Variants in COMMD1 observed in about 807,000 individuals in gnomAD.
COMMD1 encodes the protein copper metabolism domain containing 1, also known as COMM domain-containing protein 1.
In COMMD1, 10 loss-of-function variants were observed where a neutral mutation model predicts 17.2. The ratio of observed to expected loss-of-function variants is 0.58; its 90% CI spans 0.36 to 0.99. The LOEUF is 0.99. Ranked by LOEUF, COMMD1 falls within the 50% of genes least tolerant of loss-of-function variation. The pLI, the probability that COMMD1 is intolerant of heterozygous loss-of-function variation, is 0.01. For missense variants in COMMD1, 270 were observed against 231.8 expected (o/e 1.17, Z -1.07); for synonymous variants, 97 against 91.6 (o/e 1.06, Z -0.34).
intron 2 of COMMD1, among the ~76,000 whole-genome samples, chr2:62,033,349 C>T (rs1669960394): frequency 6.6e-6 from 1 of 152,292 alleles, no homozygotes; most frequent in Non-Finnish European, 1.5e-5. Flanking sequence ...CTTTTACTTA[C>T]CTTTCTCCTC....
At chr2:62,081,313 G>A (rs899127507) in intron 2 of COMMD1, among the ~76,000 whole-genome samples, 5 of 150,578 alleles carry the variant, frequency 3.3e-5, no homozygotes, top group African/African-American at 1.2e-4. Context: ...GTGCAATGGC[G>A]TGATCTCGGC....
chr2:61,890,315 G>A lies in COMMD1; in HGVS notation n.119+1473G>A, dbSNP rs535840935. ...GCTCACCGCAACCTCCGCCTCCCGGGTTCAAGCGATTCTCCTGCCTCAGCC... is the reference window on the plus strand; with the variant it reads ...GCTCACCGCAACCTCCGCCTCCCGGATTCAAGCGATTCTCCTGCCTCAGCC... On this transcript the variant is annotated intron_variant and non_coding_transcript_variant, in intron 1 of 2. Transcript: ENST00000472729. Among the ~76,000 whole-genome samples the A allele has an allele frequency of 5.9e-5, 9 of 152,264 alleles. No homozygotes were observed. In the South Asian group the frequency reaches 1.7e-3, roughly 28 times the overall value.
intron 2 of COMMD1, among the ~76,000 whole-genome samples, chr2:62,119,515 A>AT (rs1672690655): frequency 6.6e-6 from 1 of 152,116 alleles, no homozygotes; most frequent in Non-Finnish European, 1.5e-5. Context: ...CCAAATCAGC[A>AT]TTTTCTGAAA....
At chr2:61,898,944 G>A (rs139365079) in intron 1 of COMMD1, among the ~76,000 whole-genome samples, 2,496 of 152,158 alleles carry the variant, frequency 0.016, 66 homozygotes, top group African/African-American at 0.058. Context: ...TTGCTTGAAA[G>A]CCATTCTAAA....
At chr2:62,045,373 C>T (rs10188628) in intron 2 of COMMD1, among the ~76,000 whole-genome samples, 84,553 of 151,988 alleles carry the variant, frequency 0.56, 25,863 homozygotes, top group African/African-American at 0.83. Flanking sequence ...TTGTGACCTC[C>T]AGCCACATGG....
chr2:61,892,802 C>T (rs1572936551), intron 1 of COMMD1, among the ~76,000 whole-genome samples: 1 of 151,684 alleles, frequency 6.6e-6, no homozygotes, highest in Admixed American at 6.6e-5. Flanking sequence ...GTATTTTTCT[C>T]TGCATTAGTT....
chr2:61,894,712 T>C (rs1445178694), intron 1 of COMMD1, among the ~76,000 whole-genome samples: 1 of 151,288 alleles, frequency 6.6e-6, no homozygotes, highest in African/African-American at 2.4e-5. Context: ...AAAATTTTTT[T>C]TTTTTGAGAT....
chr2:62,022,072 G>T (rs892861210), intron 2 of COMMD1, among the ~76,000 whole-genome samples: 1 of 152,052 alleles, frequency 6.6e-6, no homozygotes, highest in Non-Finnish European at 1.5e-5. Flanking sequence ...TTACCCCTAT[G>T]TAGATCTTAT....
intron 2 of COMMD1, among the ~76,000 whole-genome samples, chr2:62,054,496 AT>A (rs1274196721): frequency 6.6e-6 from 1 of 152,212 alleles, no homozygotes; most frequent in Non-Finnish European, 1.5e-5. Flanking sequence ...CATATATACA[AT>A]TGGATACTAT....
rs61044252 is a variant in COMMD1, at chr2:61,924,740, G to A, written c.180+18882G>A. Among the ~76,000 whole-genome samples, 677 of 152,310 alleles carry A rather than the reference G, an allele frequency of 4.4e-3. 2 individuals are homozygous for A. The highest frequency in any genetic ancestry group is 0.015 in the African/African-American group (643 of 41,564). ...ATTGTCCAGTTGGTATTGGGGCCAT[G>A]CAGTATTGCAGTGAAAGATAAGCCT... On this transcript the variant is annotated intron_variant, in intron 1 of 2. Transcript: ENST00000311832.
intron 2 of COMMD1, chr2:62,069,572 G>A (rs1004665466): frequency 2.6e-5 from 4 of 152,106 alleles, no homozygotes; most frequent in Admixed American, 2.6e-4. Flanking sequence ...TGGTGGGTAG[G>A]GCAAGGACTT....
chr2:62,033,434 C>T (rs1391180679), intron 2 of COMMD1, among the ~76,000 whole-genome samples: 2 of 152,066 alleles, frequency 1.3e-5, no homozygotes. Context: ...TGGGAGAGAA[C>T]AGAAAAATAT....
At chr2:61,922,541 C>T (rs1670226316) in intron 1 of COMMD1, among the ~76,000 whole-genome samples, 1 of 152,158 alleles carries the variant, frequency 6.6e-6, no homozygotes, top group Admixed American at 6.5e-5. Context: ...GTCTCAAACT[C>T]CTGACCTCAG....
At chr2:62,077,861 G>A (rs1031945863) in intron 2 of COMMD1, among the ~76,000 whole-genome samples, 5 of 152,032 alleles carry the variant, frequency 3.3e-5, no homozygotes, top group Admixed American at 2.0e-4. Flanking sequence ...AGAAAGATGG[G>A]ACAACTTGAA....
At chr2:62,047,362 T>C (rs1179113517) in intron 2 of COMMD1, among the ~76,000 whole-genome samples, 1 of 152,216 alleles carries the variant, frequency 6.6e-6, no homozygotes, top group Non-Finnish European at 1.5e-5. Flanking sequence ...TATACAGTAA[T>C]GTCCTAGGCC....
At chr2:61,945,781 A>G (rs1186435090) in intron 1 of COMMD1, among the ~76,000 whole-genome samples, 1 of 152,236 alleles carries the variant, frequency 6.6e-6, no homozygotes, top group Non-Finnish European at 1.5e-5. Flanking sequence ...CTTCCAGGTC[A>G]TAGGCAGATT....
chr2:61,990,889 A>C (rs867698752), intron 1 of COMMD1, among the ~76,000 whole-genome samples: 19 of 98,248 alleles, frequency 1.9e-4, no homozygotes, highest in Non-Finnish European at 3.8e-4. Context: ...AAAAAAAAAA[A>C]AAATATATAT....
At chr2:61,954,169 A>G (rs1671133871) in intron 1 of COMMD1, among the ~76,000 whole-genome samples, 1 of 152,080 alleles carries the variant, frequency 6.6e-6, no homozygotes, top group Non-Finnish European at 1.5e-5. Flanking sequence ...AGATTGCGCC[A>G]CTGTACTCCA....
chr2:62,118,557 G>A (rs1002180744), intron 2 of COMMD1, among the ~76,000 whole-genome samples: 2 of 152,150 alleles, frequency 1.3e-5, no homozygotes, highest in African/African-American at 4.8e-5. Flanking sequence ...TCTCAGGATG[G>A]TGTGCCAGAT....
Sources: allele counts gnomAD v4.1 joint callset (sites outside exome capture counted in the v4.1 genomes callset), GRCh38; gene constraint gnomAD v4.1.1; transcripts MANE v1.5; gene names NCBI Gene and HGNC (gene_info 2026-07-23, HGNC 2026-07-21).